GALNTL6: variants seen among roughly 807,000 people sequenced by gnomAD.
The protein encoded by GALNTL6 is polypeptide N-acetylgalactosaminyltransferase like 6, also known as polypeptide N-acetylgalactosaminyltransferase-like 6.
Under a neutral mutation model 73.7 loss-of-function variants are expected in GALNTL6, and 46 were observed. The observed-to-expected ratio is 0.62, with a 90% CI of 0.49 to 0.80. The LOEUF (loss-of-function observed/expected upper bound fraction) is 0.80, where lower values mean the gene tolerates loss of function less well. Among genes scored for constraint, GALNTL6 ranks in the 30% least tolerant of loss-of-function variants. GALNTL6 has a pLI of 0.00. For synonymous variants in GALNTL6, 259 were observed against 263.7 expected (o/e 0.98, Z 0.17); for missense variants, 604 against 755.0 (o/e 0.80, Z 2.34).
At position 171,990,098 on chromosome 4, in the gene GALNTL6, C is replaced by T. The variant is rs377364674; in HGVS notation, c.138+175380C>T. ...GCTAAGGAAGAATTGGGACCTAGCT[C>T]GGCCTGCTGAGGAGCAGCCTGGGGA... On this transcript the variant is annotated intron_variant, in intron 2 of 12. Transcript: ENST00000506823. Among the ~76,000 whole-genome samples the T allele has an allele frequency of 2.1e-3, 325 of 152,150 alleles. 8 individuals are homozygous for T. In the East Asian group the frequency reaches 0.025, roughly 12 times the overall value.
intron 5 of GALNTL6, among the ~76,000 whole-genome samples, chr4:172,633,436 T>A (rs1579265893): frequency 6.6e-6 from 1 of 152,220 alleles, no homozygotes. Context: ...ATGGGGCTGG[T>A]AGCCCCTTCA....
intron 7 of GALNTL6, among the ~76,000 whole-genome samples, chr4:172,827,717 A>G (rs1225607631): frequency 6.6e-6 from 1 of 151,908 alleles, no homozygotes; most frequent in East Asian, 1.9e-4. Flanking sequence ...CTGAGCAGTG[A>G]CTTTCCTATT....
At chr4:171,870,299 T>A (rs768902326) in intron 2 of GALNTL6, among the ~76,000 whole-genome samples, 1 of 152,158 alleles carries the variant, frequency 6.6e-6, no homozygotes. Context: ...AGATAATACA[T>A]CCTTCTTGAA....
At chr4:171,881,813 AC>A (rs1736460134) in intron 2 of GALNTL6, among the ~76,000 whole-genome samples, 1 of 152,224 alleles carries the variant, frequency 6.6e-6, no homozygotes, top group Admixed American at 6.5e-5. Context: ...TCATGGTTTC[AC>A]CTTAGAAGTG....
chr4:171,939,264 T>C (rs1418918779), intron 2 of GALNTL6, among the ~76,000 whole-genome samples: 2 of 152,068 alleles, frequency 1.3e-5, no homozygotes, highest in African/African-American at 4.8e-5. Flanking sequence ...CACTGATGAT[T>C]TTGCCAAGTG....
chr4:172,829,644 A>G (rs538618595), intron 7 of GALNTL6, among the ~76,000 whole-genome samples: 17 of 152,226 alleles, frequency 1.1e-4, no homozygotes, highest in Admixed American at 2.0e-4. Context: ...TTTGCAACTC[A>G]CTGTCTTTTC....
At chr4:172,148,090 C>T (rs184231710) in intron 2 of GALNTL6, among the ~76,000 whole-genome samples, 7 of 151,938 alleles carry the variant, frequency 4.6e-5, no homozygotes, top group Non-Finnish European at 5.9e-5. Flanking sequence ...CAAAGAATCA[C>T]AAAAAATTTT....
At chr4:172,525,913 T>C (rs999237881) in intron 5 of GALNTL6, among the ~76,000 whole-genome samples, 1 of 152,232 alleles carries the variant, frequency 6.6e-6, no homozygotes, top group Admixed American at 6.5e-5. Flanking sequence ...TTACTGGTTA[T>C]ATAACCATGC....
chr4:172,093,805 G>C (rs1320881538), intron 2 of GALNTL6, among the ~76,000 whole-genome samples: 2 of 152,188 alleles, frequency 1.3e-5, no homozygotes, highest in East Asian at 3.8e-4. Flanking sequence ...CTTCTTGAGA[G>C]AAGATCATGC....
chr4:172,424,425 T>C (rs1731156175), intron 5 of GALNTL6, among the ~76,000 whole-genome samples: 1 of 152,164 alleles, frequency 6.6e-6, no homozygotes. Flanking sequence ...AATTGTGGCA[T>C]GTTAATATAC....
chr4:171,838,153 C>T (rs561882893), intron 2 of GALNTL6, among the ~76,000 whole-genome samples: 15 of 150,926 alleles, frequency 9.9e-5, no homozygotes, highest in African/African-American at 2.9e-4. Flanking sequence ...GACAGAGTTT[C>T]GCTCTTTTTG....
intron 9 of GALNTL6, among the ~76,000 whole-genome samples, chr4:172,932,529 C>T (rs1181776224): frequency 6.6e-6 from 1 of 152,096 alleles, no homozygotes; most frequent in East Asian, 1.9e-4. Flanking sequence ...CTAGTAATAA[C>T]ATTACCTTAC....
At position 171,890,414 on chromosome 4, in the gene GALNTL6, T is replaced by C. The variant is rs544739304; in HGVS notation, c.138+75696T>C. Among the ~76,000 whole-genome samples, 7 of 152,248 alleles carry C rather than the reference T, an allele frequency of 4.6e-5. No homozygotes were observed. In the South Asian group the frequency reaches 1.4e-3, roughly 32 times the overall value. On this transcript the variant is annotated intron_variant, in intron 2 of 12. Transcript: ENST00000506823. ...ATTATCAATATGGACACTATAATTT[T>C]TATACACCTTCATTTCTAAAGCTTT... is the stretch of plus-strand genomic sequence containing the variant.
chr4:172,672,244 A>G (rs752970724), intron 5 of GALNTL6, among the ~76,000 whole-genome samples: 2 of 152,184 alleles, frequency 1.3e-5, no homozygotes, highest in Non-Finnish European at 2.9e-5. Context: ...TTATCAAAAG[A>G]ATTTCTCCTT....
intron 2 of GALNTL6, among the ~76,000 whole-genome samples, chr4:171,936,898 A>T (rs1420122034): frequency 6.6e-6 from 1 of 152,178 alleles, no homozygotes; most frequent in Non-Finnish European, 1.5e-5. Flanking sequence ...CTATGATTAC[A>T]TCATAGAGTA....
chr4:172,088,198 C>A (rs894909022), intron 2 of GALNTL6, among the ~76,000 whole-genome samples: 13 of 151,928 alleles, frequency 8.6e-5, no homozygotes, highest in African/African-American at 3.1e-4. Flanking sequence ...CATTTTGAAC[C>A]ACAGTTTTCT....
At chr4:171,969,162 A>G (rs1739487302) in intron 2 of GALNTL6, among the ~76,000 whole-genome samples, 1 of 152,032 alleles carries the variant, frequency 6.6e-6, no homozygotes, top group South Asian at 2.1e-4. Flanking sequence ...TACTCCTCAC[A>G]TGATACTTCC....
At chr4:171,978,011 T>C (rs1332069644) in intron 2 of GALNTL6, among the ~76,000 whole-genome samples, 1 of 152,148 alleles carries the variant, frequency 6.6e-6, no homozygotes, top group Non-Finnish European at 1.5e-5. Context: ...ATTTTTCTTG[T>C]ATTCTTTAGA....
At chr4:172,870,197 C>A (rs1744855687) in intron 7 of GALNTL6, among the ~76,000 whole-genome samples, 1 of 151,962 alleles carries the variant, frequency 6.6e-6, no homozygotes, top group Non-Finnish European at 1.5e-5. Flanking sequence ...TCAAAAACAG[C>A]CTACTATTTG....
Sources: allele counts gnomAD v4.1 joint callset (sites outside exome capture counted in the v4.1 genomes callset), GRCh38; gene constraint gnomAD v4.1.1; transcripts MANE v1.5; gene names NCBI Gene and HGNC (gene_info 2026-07-23, HGNC 2026-07-21).